The following IRAG2 variants were observed in gnomAD, a reference collection of about 807,000 sequenced individuals.
The protein encoded by IRAG2 is lymphoid restricted membrane protein.
Under a neutral mutation model 69.9 loss-of-function variants are expected in IRAG2, and 45 were observed. That is an observed-to-expected ratio of 0.64 (90% confidence interval 0.51 to 0.83). The LOEUF is 0.83. Ranked by LOEUF, IRAG2 falls within the 40% of genes least tolerant of loss-of-function variation. IRAG2 has a pLI of 0.00. For synonymous variants in IRAG2, 193 were observed against 202.4 expected, an observed-to-expected ratio of 0.95 and a Z score of 0.40; for missense variants, 520 against 587.0, an observed-to-expected ratio of 0.89 and a Z score of 1.18.
chr12:25,091,418 T>G (rs1948051747), intron 14 of IRAG2, among the ~76,000 whole-genome samples: 1 of 152,204 alleles, frequency 6.6e-6, no homozygotes, highest in Non-Finnish European at 1.5e-5. Context: ...TATTATAGCA[T>G]GTGAGCGGAT....
At chr12:25,001,113 A>G (rs565337440), upstream of IRAG2, among the ~76,000 whole-genome samples, 2 of 152,302 alleles carry the variant, frequency 1.3e-5, no homozygotes, top group East Asian at 3.9e-4. Flanking sequence ...AGTTAATCTT[A>G]TGCAGCTTTG....
At chr12:25,004,511 T>C in exon 1 of IRAG2, 3 of 1,232,106 alleles carry the variant, frequency 2.4e-6, no homozygotes, top group Non-Finnish European at 2.0e-6. Flanking sequence ...AAGAAATATT[T>C]TGAAGAGGTA....
chr12:25,021,051 AT>A (rs916826066), intron 7 of IRAG2: 35 of 388,516 alleles, frequency 9.0e-5, no homozygotes, highest in African/African-American at 6.7e-4. Flanking sequence ...GGCAGGTAGG[AT>A]TTTTTTAAAT....
intron 2 of IRAG2, among the ~76,000 whole-genome samples, chr12:25,009,099 T>TGAA (rs1371626387): frequency 6.6e-6 from 1 of 152,102 alleles, no homozygotes; most frequent in Non-Finnish European, 1.5e-5. Flanking sequence ...GGCCAGGAGT[T>TGAA]CAAGACCAGC....
intron 10 of IRAG2, chr12:25,030,396 C>CTTT: frequency 3.0e-6 from 3 of 1,005,328 alleles, no homozygotes; most frequent in Non-Finnish European, 3.8e-6. Context: ...AAATCTGATT[C>CTTT]TTTTTTTTTT....
intron 14 of IRAG2, among the ~76,000 whole-genome samples, chr12:25,095,600 G>GT (rs545417629): frequency 3.9e-5 from 6 of 151,962 alleles, no homozygotes; most frequent in African/African-American, 1.4e-4. Flanking sequence ...TTGGTCTGTA[G>GT]TTTTTTTTCT....
chr12:25,026,169 A>AC (rs991426041), intron 8 of IRAG2, among the ~76,000 whole-genome samples: 1 of 152,146 alleles, frequency 6.6e-6, no homozygotes, highest in African/African-American at 2.4e-5. Context: ...ATAGTTTGCC[A>AC]CCCCCTGATT....
At chr12:25,069,478 C>A (rs1410412948) in intron 6 of IRAG2, 47 bp downstream of exon 6, 5 of 1,529,578 alleles carry the variant, frequency 3.3e-6, no homozygotes, top group Non-Finnish European at 3.6e-6. Flanking sequence ...ATTACCATAT[C>A]CTGTTCTTCT....
intron 10 of IRAG2, among the ~76,000 whole-genome samples, chr12:25,086,108 A>C (rs1947587249): frequency 6.6e-6 from 1 of 152,212 alleles, no homozygotes; most frequent in Non-Finnish European, 1.5e-5. Flanking sequence ...ACATAAAGAC[A>C]CTTTTTAAAA....
At position 25,066,522 on chromosome 12, in the gene IRAG2, G is replaced by A. The variant is rs1945990729; in HGVS notation, c.-59+10G>A. ...TAAAAAGACAACACAAGTAGGTTAA[G>A]AGCAAAATTTACTTACTCTACTCCT... On this transcript the variant is annotated intron_variant, in intron 5 of 21. Transcript: ENST00000556887. 2.5e-6 allele frequency: 1 copy of A among 401,212 alleles called. No homozygotes were observed. The highest frequency in any genetic ancestry group is 4.4e-6 in the Non-Finnish European group (1 of 226,180). 24.9% of individuals were successfully genotyped at this position (401,212 alleles called of 1,614,324 possible).
intron 6 of IRAG2, among the ~76,000 whole-genome samples, chr12:25,074,884 A>T (rs1206527769): frequency 6.6e-6 from 1 of 152,250 alleles, no homozygotes; most frequent in Non-Finnish European, 1.5e-5. Flanking sequence ...CAAGAACAGG[A>T]TCAATTTAAA....
At chr12:25,043,688 G>C (rs1944769149) in intron 16 of IRAG2, among the ~76,000 whole-genome samples, 1 of 152,186 alleles carries the variant, frequency 6.6e-6, no homozygotes. Flanking sequence ...GGATTAGTGT[G>C]AGTGTTTGAG....
At chr12:25,042,377 T>C (rs1037669910) in intron 16 of IRAG2, among the ~76,000 whole-genome samples, 14 of 152,214 alleles carry the variant, frequency 9.2e-5, no homozygotes, top group Admixed American at 6.5e-5. Flanking sequence ...CACAAGCTAA[T>C]ATATACCTCT....
At chr12:24,999,024 A>T in the IRAG2 span, among the ~76,000 whole-genome samples, 1 of 152,232 alleles carries the variant, frequency 6.6e-6, no homozygotes, top group East Asian at 1.9e-4. Flanking sequence ...TGTATACATC[A>T]TATGCCATTC....
chr12:25,065,931 A>C (rs980148241), intron 4 of IRAG2, among the ~76,000 whole-genome samples: 1 of 152,052 alleles, frequency 6.6e-6, no homozygotes, highest in African/African-American at 2.4e-5. Context: ...CGGACTCCTA[A>C]AGTGCTGGGA....
chr12:25,023,636 T>C (rs61912238), intron 7 of IRAG2, among the ~76,000 whole-genome samples: 31,774 of 152,150 alleles, frequency 0.21, 4,282 homozygotes, highest in Non-Finnish European at 0.31. Flanking sequence ...TGTCTTTTCC[T>C]CCCTAACAAC....
intron 9 of IRAG2, among the ~76,000 whole-genome samples, chr12:25,080,389 T>C (rs2140110443): frequency 6.6e-6 from 1 of 151,314 alleles, no homozygotes; most frequent in South Asian, 2.1e-4. Flanking sequence ...TCTCGTTGTG[T>C]CGCCCAGGCT....
chr12:25,064,531 CCT>C (rs1347055288), intron 4 of IRAG2, among the ~76,000 whole-genome samples: 5 of 152,088 alleles, frequency 3.3e-5, no homozygotes, highest in Non-Finnish European at 7.4e-5. Context: ...AGTAGTGACA[CCT>C]CTCAGGATAA....
chr12:25,003,426 C>G (rs944375375), upstream of IRAG2, among the ~76,000 whole-genome samples: 11 of 152,194 alleles, frequency 7.2e-5, no homozygotes, highest in South Asian at 4.1e-4. Context: ...TCATGGCTCA[C>G]TGAAGCCCTC....
Sources: gnomAD v4.1 joint callset for allele counts (sites outside exome capture counted in the v4.1 genomes callset) on GRCh38, gnomAD v4.1.1 for gene constraint, MANE v1.5 for transcripts, NCBI Gene and HGNC (gene_info 2026-07-23, HGNC 2026-07-21) for gene names.